The following RBMS3 variants were observed in gnomAD, a reference collection of about 807,000 sequenced individuals.
The protein encoded by RBMS3 is RNA-binding motif, single-stranded-interacting protein 3.
In RBMS3, 27 loss-of-function variants were observed where a neutral mutation model predicts 66.8. That is an observed-to-expected ratio of 0.40 (90% CI 0.30 to 0.56). The LOEUF (loss-of-function observed/expected upper bound fraction) is 0.56. Among genes scored for constraint, RBMS3 ranks in the 20% least tolerant of loss-of-function variants. RBMS3 has a pLI of 0.40. For synonymous variants in RBMS3, 188 were observed against 183.0 expected (o/e 1.03, Z -0.22); for missense variants, 513 against 549.5 (o/e 0.93, Z 0.66).
intron 1 of RBMS3, among the ~76,000 whole-genome samples, chr3:29,356,917 A>AT (rs1342715191): frequency 6.6e-6 from 1 of 152,176 alleles, no homozygotes; most frequent in Non-Finnish European, 1.5e-5. Context: ...TTGGAAATTG[A>AT]TAAAAAGGGC....
intron 1 of RBMS3, among the ~76,000 whole-genome samples, chr3:29,293,090 C>T (rs1306577793): frequency 1.3e-5 from 2 of 151,838 alleles, no homozygotes; most frequent in Non-Finnish European, 1.5e-5. Context: ...ACTTACTCAT[C>T]ACTAGTTCTC....
At chr3:29,395,002 CCT>C (rs1253568431) in intron 1 of RBMS3, among the ~76,000 whole-genome samples, 3 of 152,168 alleles carry the variant, frequency 2.0e-5, no homozygotes, top group Non-Finnish European at 4.4e-5. Flanking sequence ...TTACAAACTG[CCT>C]CTCTGGCCCC....
chr3:29,290,776 A>G (rs1221635802), intron 1 of RBMS3: 1 of 151,870 alleles, frequency 6.6e-6, no homozygotes, highest in African/African-American at 2.4e-5. Flanking sequence ...AGAAAAGGCC[A>G]GTGGGAATAG....
At chr3:29,352,952 T>C (rs2037005436) in intron 1 of RBMS3, among the ~76,000 whole-genome samples, 1 of 151,960 alleles carries the variant, frequency 6.6e-6, no homozygotes, top group Non-Finnish European at 1.5e-5. Flanking sequence ...CTGTACAGTA[T>C]TTCATTGTGT....
At chr3:29,866,100 T>A (rs1316566587) in intron 6 of RBMS3, among the ~76,000 whole-genome samples, 6 of 94,666 alleles carry the variant, frequency 6.3e-5, no homozygotes, top group Admixed American at 2.9e-4. Context: ...AAAAAAAAAA[T>A]TCCTCTTCTT....
chr3:29,908,477 A>ATGTAGTAC (rs2060438087), intron 10 of RBMS3, among the ~76,000 whole-genome samples: 1 of 152,150 alleles, frequency 6.6e-6, no homozygotes, highest in Non-Finnish European at 1.5e-5. Flanking sequence ...GTACAAAGTA[A>ATGTAGTAC]AAATAATCAG....
At chr3:29,635,343 G>A (rs1450352314) in intron 4 of RBMS3, among the ~76,000 whole-genome samples, 2 of 151,824 alleles carry the variant, frequency 1.3e-5, no homozygotes, top group East Asian at 1.9e-4. Flanking sequence ...CCCCATCTCA[G>A]TTGATGGCAG....
In RBMS3 at chr3:29,291,734, C is replaced by T. The variant is rs912269229; in HGVS notation, c.75+9978C>T. Among the ~76,000 whole-genome samples, 8 of 151,892 alleles carry T rather than the reference C, an allele frequency of 5.3e-5. 2 individuals carry two copies. The highest frequency in any genetic ancestry group is 1.9e-4 in the East Asian group (1 of 5,138). On this transcript the variant is annotated intron_variant, in intron 1 of 14. Transcript: ENST00000383767. ...CACGGTTATTTACCTAGGATAATAA[C>T]ATCTCTTGGTGTCTAGAAGTCTCTC...
intron 4 of RBMS3, among the ~76,000 whole-genome samples, chr3:29,708,104 G>A (rs557128953): frequency 1.3e-5 from 2 of 152,286 alleles, no homozygotes; most frequent in East Asian, 3.9e-4. Flanking sequence ...CCTGCTGATT[G>A]ACAGCGATAT....
intron 12 of RBMS3, among the ~76,000 whole-genome samples, chr3:29,981,829 CA>C (rs1316215403): frequency 6.6e-6 from 1 of 152,104 alleles, no homozygotes; most frequent in African/African-American, 2.4e-5. Context: ...TTCAGTTTGC[CA>C]GTATTTTATT....
chr3:29,742,455 C>T (rs1261879838), intron 5 of RBMS3, among the ~76,000 whole-genome samples: 3 of 152,190 alleles, frequency 2.0e-5, no homozygotes, highest in Non-Finnish European at 4.4e-5. Context: ...GTCTCATGTT[C>T]AGGCACAAGC....
intron 2 of RBMS3, among the ~76,000 whole-genome samples, chr3:29,444,371 A>C (rs2041738996): frequency 6.6e-6 from 1 of 152,094 alleles, no homozygotes; most frequent in Non-Finnish European, 1.5e-5. Context: ...TAAATTAATA[A>C]GTTTTGTTTA....
intron 1 of RBMS3, among the ~76,000 whole-genome samples, chr3:29,322,679 G>A (rs940785444): frequency 6.6e-6 from 1 of 151,980 alleles, no homozygotes; most frequent in African/African-American, 2.4e-5. Flanking sequence ...AGGAAAGATG[G>A]CATATAAGAA....
chr3:29,863,523 A>G (rs1262148897), intron 6 of RBMS3, among the ~76,000 whole-genome samples: 1 of 152,124 alleles, frequency 6.6e-6, no homozygotes, highest in Non-Finnish European at 1.5e-5. Flanking sequence ...TAACTTAGCA[A>G]TGTCAGTAAA....
intron 4 of RBMS3, among the ~76,000 whole-genome samples, chr3:29,617,559 C>G (rs1484307221): frequency 1.3e-5 from 2 of 152,164 alleles, no homozygotes; most frequent in Non-Finnish European, 2.9e-5. Flanking sequence ...TAGCTCCAAT[C>G]TTGAAACTGG....
chr3:29,886,367 G>T (rs17024542), intron 8 of RBMS3, among the ~76,000 whole-genome samples: 3,402 of 151,960 alleles, frequency 0.022, 128 homozygotes, highest in African/African-American at 0.078. Context: ...TGTAGTCCGA[G>T]GTAGAGCTGG....
intron 14 of RBMS3, among the ~76,000 whole-genome samples, chr3:29,992,275 G>A (rs1054344864): frequency 6.6e-6 from 1 of 151,910 alleles, no homozygotes; most frequent in African/African-American, 2.4e-5. Context: ...AAGTAATTGC[G>A]GTTTTTGCCA....
chr3:29,550,299 A>G (rs907052331), intron 3 of RBMS3, among the ~76,000 whole-genome samples: 8 of 152,192 alleles, frequency 5.3e-5, no homozygotes, highest in African/African-American at 1.9e-4. Flanking sequence ...CCACTTTGTA[A>G]TGTTACATTT....
rs1478457289 is a variant in RBMS3 at position 29,665,188 on chromosome 3, T to A, written c.400-74532T>A. Among the ~76,000 whole-genome samples, 4 of 152,332 alleles carry A rather than the reference T, an allele frequency of 2.6e-5. No individual in the cohort carries two copies. In the East Asian group the frequency reaches 7.7e-4, roughly 29 times the overall value. ...GATAAATATTTAACTAGTTTTTCTA[T>A]GTGTGGTGGACTATGTGGATTCAAA... On this transcript the variant is annotated intron_variant, in intron 4 of 14. Coordinates refer to ENST00000383767, the MANE Select transcript of RBMS3 (RefSeq NM_001003793.3).
Sources: allele counts gnomAD v4.1 joint callset (sites outside exome capture counted in the v4.1 genomes callset), GRCh38; gene constraint gnomAD v4.1.1; transcripts MANE v1.5; gene names NCBI Gene and HGNC (gene_info 2026-07-23, HGNC 2026-07-21).